Variants in LRTM3 observed in about 807,000 individuals in gnomAD.
LRTM3 encodes the protein leucine rich repeat transmembrane protein 3.
chr13:102,732,390 G>C, the LRTM3 span: 8 of 1,551,364 alleles, frequency 5.2e-6, no homozygotes, highest in Non-Finnish European at 7.0e-6. Flanking sequence ...GGAATTGGGT[G>C]ATTCTGGATT....
chr13:102,747,820 T>A, the LRTM3 span: 1 of 1,551,282 alleles, frequency 6.4e-7, no homozygotes, highest in South Asian at 1.2e-5. Flanking sequence ...GAGTTTGTGG[T>A]TGGACTTCTT....
chr13:102,746,970 T>A, the LRTM3 span: 1 of 1,551,208 alleles, frequency 6.4e-7, no homozygotes, highest in Non-Finnish European at 8.7e-7. Flanking sequence ...ATAGTTTCTG[T>A]GAATGGGATT....
the LRTM3 span, among the ~76,000 whole-genome samples, chr13:102,752,956 G>A: frequency 1.3e-5 from 2 of 152,184 alleles, no homozygotes; most frequent in Non-Finnish European, 1.5e-5. Flanking sequence ...CTTGTAAGAA[G>A]AGGAAATTTG....
At chr13:102,740,172 T>C in the LRTM3 span, 4 of 1,548,070 alleles carry the variant, frequency 2.6e-6, no homozygotes, top group African/African-American at 1.4e-5. Flanking sequence ...GAGCTATTAT[T>C]TGATATTAAA....
At chr13:102,737,158 A>G in the LRTM3 span, 7 of 1,551,044 alleles carry the variant, frequency 4.5e-6, no homozygotes, top group East Asian at 1.5e-4. Flanking sequence ...GTTGCATTAT[A>G]TAATCCACAC....
At chr13:102,750,329 C>T in the LRTM3 span, 9 of 1,543,340 alleles carry the variant, frequency 5.8e-6, no homozygotes, top group Non-Finnish European at 7.0e-6. Context: ...TTCAAAGTTA[C>T]ATTCCTTTTC....
chr13:102,754,012 C>T, the LRTM3 span, among the ~76,000 whole-genome samples: 1 of 152,012 alleles, frequency 6.6e-6, no homozygotes, highest in African/African-American at 2.4e-5. Context: ...GAGTTTGAAA[C>T]CTAGCCAACA....
At chr13:102,758,808 A>G in the LRTM3 span, 3 of 1,550,012 alleles carry the variant, frequency 1.9e-6, no homozygotes, top group Non-Finnish European at 2.6e-6. Flanking sequence ...TAAAATTATA[A>G]AGAAAATTGC....
the LRTM3 span, chr13:102,732,242 A>C: frequency 1.3e-6 from 2 of 1,551,244 alleles, no homozygotes; most frequent in African/African-American, 1.4e-5. Context: ...AGGTGAACGC[A>C]TGATGGAAAT....
the LRTM3 span, chr13:102,733,585 A>T: frequency 1.3e-6 from 2 of 1,551,244 alleles, no homozygotes; most frequent in Non-Finnish European, 1.7e-6. Flanking sequence ...TTTTAGTTGC[A>T]TCCATTGTGG....
the LRTM3 span, chr13:102,743,895 A>C: frequency 4.2e-4 from 653 of 1,550,758 alleles, 2 homozygotes; most frequent in South Asian, 1.1e-3. Context: ...GGCATGAAGA[A>C]ATCTAAAAGA....
chr13:102,740,796 T>A, the LRTM3 span: 8 of 1,549,272 alleles, frequency 5.2e-6, no homozygotes, highest in South Asian at 1.2e-5. Flanking sequence ...CCTTTTGTAT[T>A]TGAAGTGAGG....
chr13:102,741,011 TTCTCTACCATTGGGC>T, the LRTM3 span: 1 of 1,550,128 alleles, frequency 6.5e-7, no homozygotes, highest in Non-Finnish European at 8.7e-7. Context: ...ATGTGATGCT[TTCTCTACCATTGGGC>T]TTAGAACTTT....
the LRTM3 span, chr13:102,743,076 G>A: frequency 2.6e-5 from 41 of 1,549,968 alleles, no homozygotes; most frequent in Middle Eastern, 1.7e-4. Flanking sequence ...CCAAGATGAC[G>A]ATCCTTTCTA....
At chr13:102,733,889 T>C in the LRTM3 span, 3 of 1,551,338 alleles carry the variant, frequency 1.9e-6, no homozygotes, top group Admixed American at 5.9e-5. Flanking sequence ...ATCAACGCCT[T>C]CAACTGAGTC....
the LRTM3 span, chr13:102,738,682 A>G: frequency 6.4e-7 from 1 of 1,550,490 alleles, no homozygotes; most frequent in Non-Finnish European, 8.7e-7. Context: ...ACTCTTGGAG[A>G]TTTGGTTGTG....
the LRTM3 span, chr13:102,736,152 A>ATAT: frequency 1.3e-6 from 2 of 1,544,976 alleles, no homozygotes; most frequent in South Asian, 2.4e-5. Context: ...GCACCTGATG[A>ATAT]TATAGGAAGC....
the LRTM3 span, chr13:102,750,043 T>G: frequency 6.5e-7 from 1 of 1,550,028 alleles, no homozygotes; most frequent in Non-Finnish European, 8.7e-7. Flanking sequence ...ATCTAGATGC[T>G]GAAAAGCTAA....
At chr13:102,738,955 A>C in the LRTM3 span, 7 of 1,550,434 alleles carry the variant, frequency 4.5e-6, no homozygotes, top group Non-Finnish European at 6.1e-6. Flanking sequence ...TCTGCGGCAT[A>C]TGTTTTGCTT....
Sources: gnomAD v4.1 joint callset for allele counts (sites outside exome capture counted in the v4.1 genomes callset) on GRCh38, gnomAD v4.1.1 for gene constraint, MANE v1.5 for transcripts, NCBI Gene and HGNC (gene_info 2026-07-23, HGNC 2026-07-21) for gene names.